The following ECT2L variants were observed in gnomAD, a reference collection of about 807,000 sequenced individuals.
The protein encoded by ECT2L is epithelial cell-transforming sequence 2 oncogene-like.
A neutral mutation model predicts 122.8 loss-of-function variants in ECT2L; 126 were observed. That is an observed-to-expected ratio of 1.03 (90% CI 0.89 to 1.19). The LOEUF (loss-of-function observed/expected upper bound fraction) is 1.19. Ranked by LOEUF, ECT2L falls within the 50% of genes most tolerant of loss-of-function variation. The pLI is 0.00. For synonymous variants in ECT2L, 385 were observed against 381.8 expected, an observed-to-expected ratio of 1.01 and a Z score of -0.10; for missense variants, 1,012 against 1,064.1, an observed-to-expected ratio of 0.95 and a Z score of 0.68.
chr6:138,802,108 G>A (rs949401935), intron 1 of ECT2L, among the ~76,000 whole-genome samples: 10 of 152,236 alleles, frequency 6.6e-5, no homozygotes, highest in Non-Finnish European at 1.2e-4. Flanking sequence ...TTGCCATTTT[G>A]TGAGCTAAAC....
At chr6:138,887,319 C>T (rs1373830634) in intron 19 of ECT2L, among the ~76,000 whole-genome samples, 3 of 151,890 alleles carry the variant, frequency 2.0e-5, no homozygotes, top group South Asian at 2.1e-4. Context: ...CTCCACCTCC[C>T]GGGTTCACAC....
intron 13 of ECT2L, among the ~76,000 whole-genome samples, chr6:138,873,872 CTGTGTGTGTG>C (rs57839466): frequency 1.8e-4 from 13 of 71,372 alleles, no homozygotes; most frequent in South Asian, 1.0e-3. Context: ...AAATCCAGGA[CTGTGTGTGTG>C]TGTGTGTGTG....
intron 1 of ECT2L, among the ~76,000 whole-genome samples, chr6:138,800,157 G>A (rs1775492902): frequency 6.6e-6 from 1 of 152,136 alleles, no homozygotes; most frequent in African/African-American, 2.4e-5. Flanking sequence ...GCTTTTCAGA[G>A]CGAGATAACA....
rs1288555238 is a variant in ECT2L, at chr6:138,854,138, G to A, written c.1182G>A (p.Val394=). 2 of 1,613,740 alleles carry A rather than the reference G, an allele frequency of 1.2e-6. No homozygotes were observed. The highest frequency in any genetic ancestry group is 1.7e-5 in the Admixed American group (1 of 59,912). ...AAGGGGGTCACGTGGACTTCTTCGT[G>A]CCCCTTGGAGCATCAGGTTAGCTCA... ...EEEGGHVDFF[V]PLGASEAGIE... The change falls in exon 10 of 22, where the codon GTG becomes GTA. Residue 394 remains valine, a synonymous_variant. Transcript: ENST00000541398.
intron 20 of ECT2L, among the ~76,000 whole-genome samples, chr6:138,894,787 T>C (rs1161792135): frequency 6.6e-6 from 1 of 152,200 alleles, no homozygotes. Flanking sequence ...TGCTACTAAT[T>C]GGGGTGTATA....
chr6:138,801,871 C>T (rs1167087434), intron 1 of ECT2L, among the ~76,000 whole-genome samples: 1 of 152,174 alleles, frequency 6.6e-6, no homozygotes, highest in Non-Finnish European at 1.5e-5. Flanking sequence ...AGAAAAGCAA[C>T]CACAGATAAT....
intron 4 of ECT2L, among the ~76,000 whole-genome samples, chr6:138,822,074 T>C (rs1375785082): frequency 6.6e-6 from 1 of 152,246 alleles, no homozygotes; most frequent in Admixed American, 6.5e-5. Flanking sequence ...TTTACAAATT[T>C]GTTAGAGCAG....
chr6:138,847,085 T>G (rs1777248376), intron 8 of ECT2L, among the ~76,000 whole-genome samples: 1 of 149,282 alleles, frequency 6.7e-6, no homozygotes, highest in Non-Finnish European at 1.5e-5. Flanking sequence ...CTGGCCAACA[T>G]GACGAAACCC....
At chr6:138,811,873 G>C (rs1200745601) in intron 1 of ECT2L, among the ~76,000 whole-genome samples, 1 of 151,984 alleles carries the variant, frequency 6.6e-6, no homozygotes, top group African/African-American at 2.4e-5. Context: ...ATTTTTAGTA[G>C]AGACGGGGTT....
intron 4 of ECT2L, among the ~76,000 whole-genome samples, chr6:138,833,072 G>T (rs1412478170): frequency 2.0e-5 from 3 of 151,986 alleles, no homozygotes; most frequent in Admixed American, 2.0e-4. Context: ...TAAAACATTG[G>T]ATCTCATGAG....
chr6:138,896,101 T>C (rs1779201552), intron 20 of ECT2L, among the ~76,000 whole-genome samples: 1 of 127,926 alleles, frequency 7.8e-6, no homozygotes, highest in African/African-American at 4.0e-5. Context: ...AATTTTTTTT[T>C]TTTTTTCCTT....
chr6:138,838,181 C>A (rs962682485), intron 4 of ECT2L, among the ~76,000 whole-genome samples, 171 bp from the exon 5 acceptor site: 5 of 152,192 alleles, frequency 3.3e-5, no homozygotes, highest in Non-Finnish European at 5.9e-5. Flanking sequence ...GGATTACAAG[C>A]ATGAGCCACG....
Position 138,858,613 on chromosome 6 carries a change from C to G in ECT2L, c.1199-4014C>G, listed in dbSNP as rs150578418. Among the ~76,000 whole-genome samples the G allele has an allele frequency of 6.5e-3, 992 of 151,476 alleles. 11 individuals are homozygous for G. The highest frequency in any genetic ancestry group is 0.023 in the African/African-American group (947 of 41,270). On this transcript the variant is annotated intron_variant, in intron 10 of 21. Transcript: ENST00000541398. ...TTCCTCATGCCATTCCATAATTTCT[C>G]TCTGCTGCTCCTCCCCACCCCCAAC...
intron 12 of ECT2L, 122 bp from the exon 13 acceptor site, chr6:138,867,981 C>T: frequency 1.5e-6 from 1 of 662,806 alleles, no homozygotes; most frequent in Non-Finnish European, 2.2e-6. Context: ...GCCTGGGCAA[C>T]AGAGTAAGAT....
chr6:138,868,268 A>G (rs2128401409), intron 13 of ECT2L, 62 bp downstream of exon 13: 2 of 1,456,072 alleles, frequency 1.4e-6, no homozygotes, highest in Non-Finnish European at 1.9e-6. Flanking sequence ...TTCTGTTTGC[A>G]GTTATTATTA....
At chr6:138,859,996 A>G (rs1391242606) in intron 10 of ECT2L, among the ~76,000 whole-genome samples, 5 of 151,702 alleles carry the variant, frequency 3.3e-5, no homozygotes, top group Non-Finnish European at 5.9e-5. Context: ...CTAATTTTTT[A>G]ATATTTTTAG....
chr6:138,871,714 G>A lies in ECT2L; in HGVS notation c.1578+3508G>A, dbSNP rs562460027. 2.8e-4 allele frequency among the ~76,000 whole-genome samples: 43 copies of A among 152,234 alleles called. No homozygotes were observed. In the South Asian group the frequency reaches 7.7e-3, roughly 27 times the overall value. ...CCAGCTACTTGGGAGGCTGAGGCAG[G>A]AGAATCGCTGAACCAGGGAGGTAGA... On this transcript the variant is annotated intron_variant, in intron 13 of 21. Transcript: ENST00000541398.
chr6:138,851,804 CAA>C (rs1205460892), intron 9 of ECT2L, among the ~76,000 whole-genome samples: 2 of 152,090 alleles, frequency 1.3e-5, no homozygotes, highest in Non-Finnish European at 2.9e-5. Context: ...CTTTGATGCA[CAA>C]AAGTTTTAAA....
At chr6:138,892,305 T>TA (rs779021265) in intron 20 of ECT2L, among the ~76,000 whole-genome samples, 12 of 152,210 alleles carry the variant, frequency 7.9e-5, no homozygotes, top group Non-Finnish European at 1.3e-4. Flanking sequence ...TTTTCTTTCT[T>TA]AGAGTTTTGG....
Sources: gnomAD v4.1 joint callset for allele counts (sites outside exome capture counted in the v4.1 genomes callset) on GRCh38, gnomAD v4.1.1 for gene constraint, MANE v1.5 for transcripts, NCBI Gene and HGNC (gene_info 2026-07-23, HGNC 2026-07-21) for gene names.